EGFR: variants seen among roughly 807,000 people sequenced by gnomAD.
EGFR encodes avian erythroblastic leukemia viral (v-erb-b) oncogene homolog.
In EGFR, 58 loss-of-function variants were observed where a neutral mutation model predicts 143.0. That is an observed-to-expected ratio of 0.41 (90% CI 0.33 to 0.50). The LOEUF is 0.50. Among genes scored for constraint, EGFR ranks in the 20% least tolerant of loss-of-function variants. The pLI is 0.39. For synonymous variants in EGFR, 613 were observed against 594.4 expected (o/e 1.03, Z -0.45); for missense variants, 1,307 against 1,579.0 (o/e 0.83, Z 2.92).
chr7:55,152,000 T>C (rs967173078), intron 5 of EGFR, among the ~76,000 whole-genome samples: 1 of 152,204 alleles, frequency 6.6e-6, no homozygotes, highest in African/African-American at 2.4e-5. Context: ...TCACCAGACT[T>C]CTTGTTTCCT....
chr7:55,075,125 G>A (rs1272066418), intron 1 of EGFR, among the ~76,000 whole-genome samples: 1 of 152,056 alleles, frequency 6.6e-6, no homozygotes, highest in Non-Finnish European at 1.5e-5. Context: ...CAGGGCCAGG[G>A]CAGGGGCCAC....
chr7:55,053,838 A>T (rs1159660213), intron 1 of EGFR, among the ~76,000 whole-genome samples: 2 of 152,238 alleles, frequency 1.3e-5, no homozygotes, highest in Non-Finnish European at 2.9e-5. Context: ...ACCTGAGCTC[A>T]CATTCTTTTT....
At chr7:55,068,838 C>T (rs1469325392) in intron 1 of EGFR, among the ~76,000 whole-genome samples, 3 of 152,108 alleles carry the variant, frequency 2.0e-5, no homozygotes, top group Non-Finnish European at 2.9e-5. Flanking sequence ...AGGAAAAGCC[C>T]TCATCCACAC....
rs557587968 is a variant in EGFR, at chr7:55,204,258, CCA to C, written c.3272-988_3272-987del. On this transcript the variant is annotated intron_variant, in intron 27 of 27. Coordinates refer to ENST00000275493, the MANE Select transcript of EGFR (RefSeq NM_005228.5). ...CACACACACCACACACACATACACA[CCA>C]CACACACACCACACATACATACACA... Among the ~76,000 whole-genome samples, 449 of 142,384 alleles carry C rather than the reference CCA, an allele frequency of 3.2e-3. 6 individuals carry two copies. Among genetic ancestry groups the C allele is most frequent in the South Asian group, 0.027 (116 of 4,356 alleles). 93.4% of individuals were successfully genotyped at this position (142,384 alleles called of 152,430 possible). A position where few individuals can be genotyped will look rare whatever the true frequency, so the allele number is the denominator to read the frequency against.
At chr7:55,101,101 T>C (rs909040006) in intron 1 of EGFR, among the ~76,000 whole-genome samples, 1 of 152,196 alleles carries the variant, frequency 6.6e-6, no homozygotes, top group African/African-American at 2.4e-5. Flanking sequence ...ACTCTGCTCC[T>C]TCTGACAACC....
At chr7:55,044,206 C>T (rs1788060997) in intron 1 of EGFR, among the ~76,000 whole-genome samples, 1 of 152,190 alleles carries the variant, frequency 6.6e-6, no homozygotes, top group African/African-American at 2.4e-5. Context: ...TCCTGCAGAG[C>T]CAGAAGAGAA....
rs762946118 is a variant in EGFR, at chr7:55,205,392, C to G, written c.3408C>G (p.Pro1136=). ...QDPHSTAVGN[P]EYLNTVQPTC... ...CCCACAGCACTGCAGTGGGCAACCC[C>G]GAGTATCTCAACACTGTCCAGCCCA... The change falls in exon 28 of 28, where the codon CCC becomes CCG. Residue 1136 remains proline, a synonymous_variant. Transcript: ENST00000275493. 1 of 1,614,148 alleles carries G rather than the reference C, an allele frequency of 6.2e-7. No individual in the cohort carries two copies. Among genetic ancestry groups the G allele is most frequent in the South Asian group, 1.1e-5 (1 of 91,066 alleles).
At chr7:55,163,917 C>T in intron 14 of EGFR, 94 bp downstream of exon 14, 1 of 1,409,038 alleles carries the variant, frequency 7.1e-7, no homozygotes, top group Non-Finnish European at 1.0e-6. Context: ...CCTGTGTGGG[C>T]AGGACGGCCA....
intron 25 of EGFR, 87 bp from the exon 26 acceptor site, chr7:55,201,648 T>TC: frequency 6.6e-7 from 1 of 1,509,832 alleles, no homozygotes. Context: ...CAATATACCC[T>TC]CCATGAGGCA....
In EGFR at chr7:55,181,237, C is replaced by T. The variant is rs41323247; in HGVS notation, c.2284-56C>T. 9.0e-4 allele frequency: 1,367 copies of T among 1,519,576 alleles called. 11 individuals carry two copies. The African/African-American group carries it at 0.016, about 18-fold the overall frequency. The allele number at this position is 1,519,576 out of a possible 1,614,324, so 94.1% of individuals were successfully genotyped here. A position where few individuals can be genotyped will look rare whatever the true frequency, so the allele number is the denominator to read the frequency against. ...TCTTCACCTGGAAGGGGTCCATGTG[C>T]CCCTCCTTCTGGCCACCATGCGAAG... On this transcript the variant is annotated intron_variant, in intron 19 of 27. Coordinates refer to ENST00000275493, the MANE Select transcript of EGFR (RefSeq NM_005228.5).
chr7:55,142,465 A>G (rs1459692884), intron 2 of EGFR, 28 bp downstream of exon 2: 1 of 1,612,412 alleles, frequency 6.2e-7, no homozygotes, highest in East Asian at 2.2e-5. Context: ...TCCTACACAA[A>G]TAAAATTGGA....
intron 1 of EGFR, among the ~76,000 whole-genome samples, chr7:55,071,612 C>A (rs1789835543): frequency 6.6e-6 from 1 of 152,208 alleles, no homozygotes; most frequent in Admixed American, 6.5e-5. Context: ...TGGGTCTCTT[C>A]CTTTCTAGGC....
intron 1 of EGFR, among the ~76,000 whole-genome samples, chr7:55,140,867 T>C (rs2128925151): frequency 6.6e-6 from 1 of 152,316 alleles, no homozygotes; most frequent in South Asian, 2.1e-4. Context: ...GATGTGAAGA[T>C]TGCTTCATGT....
At chr7:55,185,998 G>A (rs1230384880) in intron 20 of EGFR, among the ~76,000 whole-genome samples, 3 of 152,210 alleles carry the variant, frequency 2.0e-5, no homozygotes, top group African/African-American at 7.2e-5. Flanking sequence ...GCTGCTAATG[G>A]GAGGGAGAGG....
chr7:55,152,797 G>C, intron 6 of EGFR, 133 bp downstream of exon 6: 3 of 716,398 alleles, frequency 4.2e-6, no homozygotes, highest in Non-Finnish European at 4.6e-6. Context: ...ATTGCCCTCT[G>C]CCTGGTGACA....
rs143602906 is a variant in EGFR, at chr7:55,117,760, T to C, written c.89-24526T>C. 8.0e-3 allele frequency among the ~76,000 whole-genome samples: 1,221 copies of C among 152,286 alleles called. 20 individuals carry two copies. The highest frequency in any genetic ancestry group is 0.028 in the African/African-American group (1,150 of 41,552). On this transcript the variant is annotated intron_variant, in intron 1 of 27. Transcript: ENST00000275493. Reference sequence around the variant, plus strand: ...GAGGGTTTGCATATGTGTATGTGATTCTGCAGTCATGGTGAATGACACAGT... The same window carrying C: ...GAGGGTTTGCATATGTGTATGTGATCCTGCAGTCATGGTGAATGACACAGT...
chr7:55,118,300 C>T (rs1792990889), intron 1 of EGFR, among the ~76,000 whole-genome samples: 1 of 152,118 alleles, frequency 6.6e-6, no homozygotes. Context: ...GATGGTCAGG[C>T]CCTCCTAGAA....
intron 1 of EGFR, among the ~76,000 whole-genome samples, chr7:55,070,373 T>G (rs1789748876): frequency 6.6e-6 from 1 of 152,208 alleles, no homozygotes; most frequent in African/African-American, 2.4e-5. Context: ...CTTTCATGCC[T>G]CAGCAAACCT....
At chr7:55,028,064 G>T (rs1787037185) in intron 1 of EGFR, among the ~76,000 whole-genome samples, 1 of 134,770 alleles carries the variant, frequency 7.4e-6, no homozygotes, top group African/African-American at 2.7e-5. Context: ...ACCACTGCTT[G>T]CTTTGCAGTT....
Sources: gnomAD v4.1 joint callset for allele counts (sites outside exome capture counted in the v4.1 genomes callset) on GRCh38, gnomAD v4.1.1 for gene constraint, MANE v1.5 for transcripts, NCBI Gene and HGNC (gene_info 2026-07-23, HGNC 2026-07-21) for gene names.